The following ZNF662 variants were observed in gnomAD, a reference collection of about 807,000 sequenced individuals.
ZNF662 encodes the protein zinc finger protein 662.
A neutral mutation model predicts 12.4 loss-of-function variants in ZNF662; 14 were observed. The ratio of observed to expected loss-of-function variants is 1.13; its 90% CI spans 0.75 to 1.77. The LOEUF (loss-of-function observed/expected upper bound fraction) is 1.77, where lower values mean the gene tolerates loss of function less well. ZNF662 is among the 40% of genes most tolerant of loss of function. ZNF662 has a pLI of 0.00. For missense variants in ZNF662, 550 were observed against 515.6 expected, an observed-to-expected ratio of 1.07 and a Z score of -0.65; for synonymous variants, 184 against 176.4, an observed-to-expected ratio of 1.04 and a Z score of -0.34.
intron 4 of ZNF662, 54 bp from the exon 5 acceptor site, chr3:42,914,273 A>T: frequency 6.8e-7 from 1 of 1,467,078 alleles, no homozygotes; most frequent in Non-Finnish European, 9.2e-7. Flanking sequence ...TGGTGACCTT[A>T]GTCGCTGTGT....
Position 42,906,415 on chromosome 3 carries a change from C to T in ZNF662, c.-94+247C>T. The T allele has an allele frequency of 6.7e-7, 1 of 1,494,670 alleles. No homozygotes were observed. Among genetic ancestry groups the T allele is most frequent in the Non-Finnish European group, 8.9e-7 (1 of 1,126,532 alleles). The allele number at this position is 1,494,670 out of a possible 1,614,324, so 92.6% of individuals were successfully genotyped here. A position where few individuals can be genotyped will look rare whatever the true frequency, so the allele number is the denominator to read the frequency against. ...CCTTGTCCTCGAGCTGCTCCCGGGA[C>T]AGCCCGCGCTGCCCCGGGCGCGCCG... is the stretch of plus-strand genomic sequence containing the variant. On this transcript the variant is annotated intron_variant, in intron 1 of 4. Transcript: ENST00000440367. This position sits in a 1 kb window ranked among gnomAD's most constrained non-coding sequence, Gnocchi z 4.4.
intron 3 of ZNF662, among the ~76,000 whole-genome samples, chr3:42,912,664 ATATTTT>A (rs1559381512): frequency 1.6e-4 from 8 of 50,652 alleles, no homozygotes; most frequent in African/African-American, 4.9e-4. Flanking sequence ...ATATATATAT[ATATTTT>A]TTATATATAT....
rs201741156 is a variant in ZNF662 at position 42,914,656 on chromosome 3, G to A, written c.583G>A (p.Glu195Lys). 48 of 1,614,176 alleles carry A rather than the reference G, an allele frequency of 3.0e-5. No individual in the cohort carries two copies. The highest frequency in any genetic ancestry group is 4.1e-5 in the Non-Finnish European group (48 of 1,180,028). Residue 195 changes from glutamate to lysine, a missense_variant, in exon 5 of 5, where the codon GAG becomes AAG. Coordinates refer to ENST00000440367, the MANE Select transcript of ZNF662 (RefSeq NM_207404.4). Reference sequence around the variant, plus strand: ...AAATGAGCAAATATTCTATATATGTGAGGAATGCGGCAAGTGTTTTGATCA... The same window carrying A: ...AAATGAGCAAATATTCTATATATGTAAGGAATGCGGCAAGTGTTTTGATCA... ...ILNEQIFYICEECGKCFDQNE... is the reference protein window; with the variant it reads ...ILNEQIFYICKECGKCFDQNE...
At position 42,914,945 on chromosome 3, in the gene ZNF662, T is replaced by G; in HGVS notation, c.872T>G (p.Leu291Arg). 6.2e-7 allele frequency: 1 copy of G among 1,613,544 alleles called. No individual in the cohort carries two copies. The highest frequency in any genetic ancestry group is 8.5e-7 in the Non-Finnish European group (1 of 1,179,856). Residue 291 changes from leucine to arginine, a missense_variant, in exon 5 of 5, where the codon CTT becomes CGT. Leu to Arg is a moderately radical substitution (Grantham distance 102, BLOSUM62 -2). Coordinates refer to ENST00000440367, the MANE Select transcript of ZNF662 (RefSeq NM_207404.4). The part of the protein sequence containing the change: ...CGKGFSQNTS[L>R]TQHQRIHTGE... ...AAGGGCTTTAGTCAGAACACAAGCC[T>G]TACGCAACATCAACGGATCCACACT...
At chr3:42,907,050 C>G (rs1199034259) in intron 1 of ZNF662, among the ~76,000 whole-genome samples, 2 of 152,170 alleles carry the variant, frequency 1.3e-5, no homozygotes, top group Non-Finnish European at 2.9e-5. Flanking sequence ...TTCTAGTGCG[C>G]AAGGACTGAA....
rs1224544964 is a variant in ZNF662, at chr3:42,917,596, C to T, written c.*2242C>T. Reference sequence around the variant, plus strand: ...CAAGCTTTACCTGAAGCAGAGCTACCTCAGAACTTTTCAGCTATGTGAGCC... The same window carrying T: ...CAAGCTTTACCTGAAGCAGAGCTACTTCAGAACTTTTCAGCTATGTGAGCC... On this transcript the variant is annotated 3_prime_UTR_variant, in exon 5 of 5. Coordinates refer to ENST00000440367, the MANE Select transcript of ZNF662 (RefSeq NM_207404.4). The T allele has an allele frequency of 7.2e-6, 5 of 694,926 alleles. No homozygotes were observed. The highest frequency in any genetic ancestry group is 1.3e-5 in the Non-Finnish European group (5 of 383,014). The allele number at this position is 694,926 out of a possible 1,614,324, so 43.0% of individuals were successfully genotyped here.
At chr3:42,908,515 G>A in intron 2 of ZNF662, 1 of 1,268,474 alleles carries the variant, frequency 7.9e-7, no homozygotes, top group Admixed American at 3.7e-5. Context: ...AGAGCTCTAA[G>A]AGGGAGAGGA....
chr3:42,914,354 A>C lies in ZNF662; in HGVS notation c.281A>C (p.Asp94Ala). Residue 94 changes from aspartate (D) to alanine (A), a missense_variant, in exon 5 of 5, where the codon GAT (aspartate) becomes GCT (alanine). Physicochemically the swap from Asp to Ala is moderately radical, Grantham distance 126. Transcript: ENST00000440367. ...PEGVLKRKKE[D>A]FILKEEIIEE... ...GGTGTGTTGAAGAGGAAGAAAGAAG[A>C]TTTTATTCTGAAGGAGGAAATTATT... The C allele has an allele frequency of 3.1e-6, 5 of 1,604,886 alleles. No individual in the cohort carries two copies. Among genetic ancestry groups the C allele is most frequent in the Non-Finnish European group, 4.2e-6 (5 of 1,177,514 alleles).
chr3:42,907,090 A>G (rs75516934), intron 1 of ZNF662, among the ~76,000 whole-genome samples: 2,298 of 152,356 alleles, frequency 0.015, 60 homozygotes, highest in African/African-American at 0.052. Context: ...GCTCCTCCAC[A>G]GTGTGGAGAC....
At position 42,908,145 on chromosome 3, in the gene ZNF662, C is replaced by G; in HGVS notation, c.31C>G (p.Leu11Val). 6.2e-7 allele frequency: 1 copy of G among 1,613,232 alleles called. No individual in the cohort carries two copies. The stretch of plus-strand genomic sequence containing the variant: ...GGAGAATTATGGGGCTGTGGCTTCC[C>G]TGGGTAAGGGTCTCTCCCTTTGGGC... MLENYGAVASLAAFPFPKPAL... is the reference protein window; with the variant it reads MLENYGAVASVAAFPFPKPAL... Residue 11 changes from leucine to valine, a missense_variant, in exon 2 of 5, where the codon CTG (leucine) becomes GTG (valine). Leu to Val is a conservative substitution (Grantham distance 32). Coordinates refer to ENST00000440367, the MANE Select transcript of ZNF662 (RefSeq NM_207404.4).
In ZNF662 at chr3:42,914,609, T is replaced by G. The variant is rs1219859915; in HGVS notation, c.536T>G (p.Leu179Arg). The G allele has an allele frequency of 2.5e-6, 4 of 1,614,060 alleles. No individual in the cohort carries two copies. The Admixed American group carries it at 6.7e-5, about 27-fold the overall frequency. ...GGGAATACTGATGTCAATAACCTCC[T>G]TGGTATACATCACAAAATTCTAAAT... ...SSGNTDVNNL[L>R]GIHHKILNEQ... Residue 179 changes from leucine (L) to arginine (R), a missense_variant, in exon 5 of 5, where the codon CTT becomes CGT. Transcript: ENST00000440367.
rs141635698 is a variant in ZNF662 at position 42,909,708 on chromosome 3, G to A, written c.151+799G>A. On this transcript the variant is annotated intron_variant, in intron 3 of 4. Transcript: ENST00000440367. The stretch of plus-strand genomic sequence containing the variant: ...GGGCGGGGGCTGCCCCCCACCTCCC[G>A]GAGGGGGCGGCTGGCCGGGCGGAGG... 6.6e-3 allele frequency among the ~76,000 whole-genome samples: 999 copies of A among 150,310 alleles called. 10 individuals are homozygous for A. Among genetic ancestry groups the A allele is most frequent in the Middle Eastern group, 0.021 (6 of 290 alleles).
At chr3:42,909,852 G>A (rs969910456) in intron 3 of ZNF662, among the ~76,000 whole-genome samples, 7 of 151,010 alleles carry the variant, frequency 4.6e-5, no homozygotes, top group African/African-American at 7.3e-5. Context: ...AGGCAGAGGC[G>A]CTCTTCACAT....
At chr3:42,913,640 G>A (rs1470678089) in intron 4 of ZNF662, among the ~76,000 whole-genome samples, 2 of 152,128 alleles carry the variant, frequency 1.3e-5, no homozygotes, top group African/African-American at 4.8e-5. Flanking sequence ...AAAAAATCAA[G>A]TCATATATGG....
rs1475489451 is a variant in ZNF662, at chr3:42,918,474, G to C, written c.*3120G>C. Among the ~76,000 whole-genome samples the C allele has an allele frequency of 6.6e-6, 1 of 152,096 alleles. No individual in the cohort carries two copies. Among genetic ancestry groups the C allele is most frequent in the African/African-American group, 2.4e-5 (1 of 41,408 alleles). On this transcript the variant is annotated 3_prime_UTR_variant, in exon 5 of 5. Coordinates refer to ENST00000440367, the MANE Select transcript of ZNF662 (RefSeq NM_207404.4). ...CTCCCAGTGTGCAGGCAGGCCCTTA[G>C]TCTGAGCCACTCCACATTATTTCCC...
At position 42,914,502 on chromosome 3, in the gene ZNF662, T is replaced by TG. The variant is rs1447415008; in HGVS notation, c.434dup (p.Arg146ThrfsTer8). On this transcript the variant is annotated frameshift_variant, in exon 5 of 5. Coordinates refer to ENST00000440367, the MANE Select transcript of ZNF662 (RefSeq NM_207404.4). LOFTEE classifies it low-confidence loss of function (END_TRUNC). ...TAGGGAGATGGCCTGGTTACCTCAATGGGGGACGTATGGAAAGTTCTACAA... is the reference window on the plus strand; with the variant it reads ...TAGGGAGATGGCCTGGTTACCTCAATGGGGGGACGTATGGAAAGTTCTACAA... 1.2e-5 allele frequency: 20 copies of TG among 1,613,908 alleles called. No individual in the cohort carries two copies. The highest frequency in any genetic ancestry group is 1.5e-5 in the Non-Finnish European group (18 of 1,180,022).
In ZNF662 at chr3:42,908,007, C is replaced by T; in HGVS notation, c.-93-15C>T. ...CTGGGGTTGTCCTAGGGCATTTAAACACATGTTGTTTCAGGAGTCAGTGAC... is the reference window on the plus strand; with the variant it reads ...CTGGGGTTGTCCTAGGGCATTTAAATACATGTTGTTTCAGGAGTCAGTGAC... On this transcript the variant is annotated splice_polypyrimidine_tract_variant and intron_variant, in intron 1 of 4. Coordinates refer to ENST00000440367, the MANE Select transcript of ZNF662 (RefSeq NM_207404.4). 1 of 1,614,048 alleles carries T rather than the reference C, an allele frequency of 6.2e-7. No individual in the cohort carries two copies. Among genetic ancestry groups the T allele is most frequent in the Non-Finnish European group, 8.5e-7 (1 of 1,179,930 alleles).
rs1043623172 is a variant in ZNF662, at chr3:42,906,576, G to A, written c.-94+408G>A. ...GGCCTCGAGGGACAGGCAGCACAGC[G>A]GAGTCGACACCCCTGGACCTGAGCC... is the stretch of plus-strand genomic sequence containing the variant. On this transcript the variant is annotated intron_variant, in intron 1 of 4. Transcript: ENST00000440367. This position sits in a 1 kb window ranked among gnomAD's most constrained non-coding sequence, Gnocchi z 4.4. The A allele has an allele frequency of 4.7e-5, 36 of 772,788 alleles. No individual in the cohort carries two copies. The highest frequency in any genetic ancestry group is 4.0e-4 in the Admixed American group (11 of 27,172). 47.9% of individuals were successfully genotyped at this position (772,788 alleles called of 1,614,324 possible).
chr3:42,914,630 T>G lies in ZNF662; in HGVS notation c.557T>G (p.Leu186Arg), dbSNP rs1559382360. 1.2e-6 allele frequency: 2 copies of G among 1,614,180 alleles called. No homozygotes were observed. The highest frequency in any genetic ancestry group is 1.6e-4 in the Middle Eastern group (1 of 6,062). Reference protein sequence around the residue: ...NNLLGIHHKILNEQIFYICEE... With the variant: ...NNLLGIHHKIRNEQIFYICEE... ...CTCCTTGGTATACATCACAAAATTC[T>G]AAATGAGCAAATATTCTATATATGT... Residue 186 changes from leucine (L) to arginine (R), a missense_variant, in exon 5 of 5, where the codon CTA (leucine) becomes CGA (arginine). Transcript: ENST00000440367.
Sources: gnomAD v4.1 joint callset for allele counts (sites outside exome capture counted in the v4.1 genomes callset) on GRCh38, gnomAD v4.1.1 for gene constraint, Gnocchi (gnomAD v3.1) non-coding constraint, MANE v1.5 for transcripts, NCBI Gene and HGNC (gene_info 2026-07-23, HGNC 2026-07-21) for gene names.